The following RBL1 variants were observed in gnomAD, a reference collection of about 807,000 sequenced individuals.
The protein encoded by RBL1 is RB transcriptional corepressor like 1, also known as retinoblastoma-like protein 1.
Under a neutral mutation model 123.0 loss-of-function variants are expected in RBL1, and 82 were observed. The observed-to-expected ratio is 0.67, with a 90% CI of 0.56 to 0.80. RBL1 has a LOEUF of 0.80. RBL1 is among the 30% of genes least tolerant of loss of function. RBL1 has a pLI of 0.00. For synonymous variants in RBL1, 405 were observed against 441.3 expected (o/e 0.92, Z 1.03); for missense variants, 1,171 against 1,299.6 (o/e 0.90, Z 1.52).
Position 37,040,227 on chromosome 20 carries a change from G to C in RBL1, c.1829C>G (p.Pro610Arg). The change falls in exon 14 of 22, where the codon CCC (proline) becomes CGC (arginine). Residue 610 changes from proline (P) to arginine (R), a missense_variant. Coordinates refer to ENST00000373664, the MANE Select transcript of RBL1 (RefSeq NM_002895.5). ...CATTAGAGGAGACATTGGCATCAGGGGAAGATGTCCCTGCACATTTCCTCC... is the reference window on the plus strand; with the variant it reads ...CATTAGAGGAGACATTGGCATCAGGCGAAGATGTCCCTGCACATTTCCTCC... ...GNGGNVQGHL[P>R]LMPMSPLMHP... 1 of 1,613,996 alleles carries C rather than the reference G, an allele frequency of 6.2e-7. No individual in the cohort carries two copies. The highest frequency in any genetic ancestry group is 8.5e-7 in the Non-Finnish European group (1 of 1,179,976).
Position 37,035,312 on chromosome 20 carries a change from T to C in RBL1, c.2100A>G (p.Gln700=), listed in dbSNP as rs143483819. The change falls in exon 15 of 22, where the codon CAA becomes CAG. Residue 700 remains glutamine, a synonymous_variant. Transcript: ENST00000373664. ...TAENVSILPG[Q]TLLTMATAPV... is the part of the protein sequence containing the mutation. ...GGGCTGTGGCCATTGTTAGAAGAGTTTGACCAGGTAAAATTGATACATTTT... is the reference window on the plus strand; with the variant it reads ...GGGCTGTGGCCATTGTTAGAAGAGTCTGACCAGGTAAAATTGATACATTTT... The C allele has an allele frequency of 8.5e-4, 1,376 of 1,614,084 alleles. 1 individual carries two copies. Among genetic ancestry groups the C allele is most frequent in the Non-Finnish European group, 9.4e-4 (1,108 of 1,179,934 alleles).
intron 10 of RBL1, 77 bp downstream of exon 10, chr20:37,056,069 G>C (rs1249151421): frequency 9.3e-6 from 14 of 1,511,024 alleles, no homozygotes; most frequent in Non-Finnish European, 6.1e-6. Flanking sequence ...TAACGGGAGA[G>C]GAAAAACCGT....
intron 12 of RBL1, 49 bp from the exon 13 acceptor site, chr20:37,044,299 T>C: frequency 1.9e-6 from 3 of 1,571,368 alleles, no homozygotes; most frequent in Non-Finnish European, 2.6e-6. Flanking sequence ...CAGTTAGTTC[T>C]AGTCTGGACT....
At chr20:37,070,901 AT>A (rs1430558602) in intron 2 of RBL1, among the ~76,000 whole-genome samples, 93 of 146,410 alleles carry the variant, frequency 6.4e-4, no homozygotes, top group Non-Finnish European at 9.8e-4. Flanking sequence ...AATACTTGTA[AT>A]TTTTTTTTTT....
chr20:37,003,186 A>G (rs1006861626), intron 21 of RBL1, among the ~76,000 whole-genome samples: 1 of 152,208 alleles, frequency 6.6e-6, no homozygotes, highest in Non-Finnish European at 1.5e-5. Context: ...ACTTCTGGAG[A>G]CATACTGAAC....
intron 2 of RBL1, among the ~76,000 whole-genome samples, chr20:37,069,611 C>T (rs1017553951): frequency 6.6e-6 from 1 of 151,368 alleles, no homozygotes; most frequent in African/African-American, 2.4e-5. Context: ...GCAACCGCCC[C>T]GTCTGAGAAG....
Position 37,047,162 on chromosome 20 carries a change from C to T in RBL1, c.1496G>A (p.Arg499His), listed in dbSNP as rs759472245. 1.7e-5 allele frequency: 28 copies of T among 1,602,102 alleles called. No individual in the cohort carries two copies. The African/African-American group carries it at 2.3e-4, about 13-fold the overall frequency. Residue 499 changes from arginine (R) to histidine (H), a missense_variant, in exon 12 of 22, where the codon CGT becomes CAT. By Grantham distance (29) the Arg-to-His change is conservative. Transcript: ENST00000373664. The stretch of plus-strand genomic sequence containing the variant: ...TTCCAAACAACAAGCCATCAAGGAA[C>T]GATGAAATATATCTTGCTCTAAAAG... ...SVLLEQDIFH[R>H]SLMACCLEIV... is the part of the protein sequence containing the mutation.
Position 36,997,530 on chromosome 20 carries a change from T to C in RBL1, c.*1229A>G, listed in dbSNP as rs1309345174. 1 of 152,134 alleles carries C rather than the reference T, an allele frequency of 6.6e-6. No homozygotes were observed. Among genetic ancestry groups the C allele is most frequent in the Non-Finnish European group, 1.5e-5 (1 of 68,038 alleles). The allele number at this position is 152,134 out of a possible 1,614,324, so 9.4% of individuals were successfully genotyped here. ...AGAATTATGAGGCATGAGATGATAT[T>C]TATGTGATTTTTAAAAGGTTTAAAA... On this transcript the variant is annotated 3_prime_UTR_variant, in exon 22 of 22. Transcript: ENST00000373664.
intron 21 of RBL1, among the ~76,000 whole-genome samples, chr20:37,000,111 C>A (rs1353319609): frequency 2.0e-5 from 3 of 150,736 alleles, no homozygotes; most frequent in Non-Finnish European, 4.4e-5. Flanking sequence ...GCTGCCCCGT[C>A]TGGGATGTGA....
Position 37,010,454 on chromosome 20 carries a change from A to C in RBL1, c.2723-2895T>G, listed in dbSNP as rs1032509677. Among the ~76,000 whole-genome samples, 17 of 152,222 alleles carry C rather than the reference A, an allele frequency of 1.1e-4. No individual in the cohort carries two copies. In the East Asian group the frequency reaches 3.3e-3, roughly 29 times the overall value. ...CATAATGATGGGTTATCTTCTCAGA[A>C]ATGCATTGTTGAAATGATTTTGTCA... On this transcript the variant is annotated intron_variant, in intron 19 of 21. Transcript: ENST00000373664.
chr20:37,091,929 A>G (rs2065652456), intron 1 of RBL1, among the ~76,000 whole-genome samples: 1 of 152,150 alleles, frequency 6.6e-6, no homozygotes, highest in African/African-American at 2.4e-5. Flanking sequence ...ATATTTTTAC[A>G]AGCTTTGATT....
At chr20:37,090,479 G>A (rs538462656) in intron 1 of RBL1, among the ~76,000 whole-genome samples, 3 of 152,220 alleles carry the variant, frequency 2.0e-5, no homozygotes, top group African/African-American at 7.2e-5. Context: ...AGTGTGGCAG[G>A]GAAAGGCAAG....
intron 16 of RBL1, 61 bp downstream of exon 16, chr20:37,032,604 T>C (rs77052854): frequency 0.12 from 187,292 of 1,590,276 alleles, 11,702 homozygotes; most frequent in African/African-American, 0.15. Context: ...TCTGTCTCTG[T>C]TACTCAATCT....
In RBL1 at chr20:36,998,803, G is replaced by A. The variant is rs1362211770; in HGVS notation, c.3163C>T (p.Leu1055=). The change falls in exon 22 of 22, where the codon CTG becomes TTG. Residue 1055 remains leucine (L), a synonymous_variant. Transcript: ENST00000373664. ...CTGACAACATCCTGTAGTCGTTTCA[G>A]TAAAACGTCATCATTTTCTTGACAG... The part of the protein sequence containing the change: ...RVCQENDDVL[L]KRLQDVVSER... The A allele has an allele frequency of 1.2e-6, 2 of 1,613,492 alleles. No homozygotes were observed. Among genetic ancestry groups the A allele is most frequent in the Non-Finnish European group, 1.7e-6 (2 of 1,179,770 alleles).
Position 37,032,476 on chromosome 20 carries a change from G to A in RBL1, c.2382+189C>T, listed in dbSNP as rs141725454. On this transcript the variant is annotated intron_variant, in intron 16 of 21. Coordinates refer to ENST00000373664, the MANE Select transcript of RBL1 (RefSeq NM_002895.5). Reference sequence around the variant, plus strand: ...AGACGAAAAAGTTCTGGAGATAGACGGTAGTAATAAAGCTGCACAACAATG... The same window carrying A: ...AGACGAAAAAGTTCTGGAGATAGACAGTAGTAATAAAGCTGCACAACAATG... 5.0e-3 allele frequency among the ~76,000 whole-genome samples: 765 copies of A among 152,102 alleles called. 2 individuals are homozygous for A. Among genetic ancestry groups the A allele is most frequent in the Non-Finnish European group, 8.3e-3 (567 of 67,996 alleles).
chr20:37,014,156 C>A (rs1022279112), intron 19 of RBL1, among the ~76,000 whole-genome samples: 2 of 150,788 alleles, frequency 1.3e-5, no homozygotes, highest in Admixed American at 6.6e-5. Context: ...TGGCTCACTG[C>A]AGCCTTGACA....
At chr20:37,089,235 A>C in intron 1 of RBL1, 113 bp from the exon 2 acceptor site, 1 of 1,057,900 alleles carries the variant, frequency 9.5e-7, no homozygotes, top group Non-Finnish European at 1.3e-6. Flanking sequence ...ATGTAGATAA[A>C]GGGCCAGAGA....
intron 11 of RBL1, among the ~76,000 whole-genome samples, chr20:37,051,452 AT>A (rs2064911440): frequency 1.3e-5 from 2 of 152,168 alleles, no homozygotes; most frequent in African/African-American, 4.8e-5. Context: ...AAGTGTTGGG[AT>A]TACAGGGGTA....
intron 2 of RBL1, among the ~76,000 whole-genome samples, chr20:37,068,901 C>T (rs569814358): frequency 7.9e-5 from 12 of 152,348 alleles, no homozygotes; most frequent in East Asian, 1.9e-4. Flanking sequence ...CATGCTGAGC[C>T]GAAGCTGGAC....
Sources: gnomAD v4.1 joint callset for allele counts (sites outside exome capture counted in the v4.1 genomes callset) on GRCh38, gnomAD v4.1.1 for gene constraint, MANE v1.5 for transcripts, NCBI Gene and HGNC (gene_info 2026-07-23, HGNC 2026-07-21) for gene names.